CMSS1: variants seen among roughly 807,000 people sequenced by gnomAD.
The protein encoded by CMSS1 is protein CMSS1.
A neutral mutation model predicts 43.5 loss-of-function variants in CMSS1; 33 were observed. That is an observed-to-expected ratio of 0.76 (90% CI 0.57 to 1.01). CMSS1 has a LOEUF of 1.01. Among genes scored for constraint, CMSS1 ranks in the 50% least tolerant of loss-of-function variants. The probability of loss-of-function intolerance (pLI) is 0.00; values close to 1 mark genes in which losing one functional copy is unlikely to be tolerated. For synonymous variants in CMSS1, 115 were observed against 117.2 expected (o/e 0.98, Z 0.12); for missense variants, 313 against 326.4 (o/e 0.96, Z 0.32).
rs536032685 is a variant in CMSS1, at chr3:99,943,127, C to T, written c.64+125084C>T. ...GGGGCAAAGCCTGTTTCTTTAAAGG[C>T]GAACTTAATTTCTGATAACAAGAAC... On this transcript the variant is annotated intron_variant, in intron 1 of 9. Transcript: ENST00000421999. Among the ~76,000 whole-genome samples the T allele has an allele frequency of 3.3e-5, 5 of 152,174 alleles. No individual in the cohort carries two copies. The East Asian group carries it at 9.7e-4, about 29-fold the overall frequency.
At chr3:99,892,883 A>G (rs1706129673) in intron 1 of CMSS1, among the ~76,000 whole-genome samples, 1 of 152,218 alleles carries the variant, frequency 6.6e-6, no homozygotes, top group Non-Finnish European at 1.5e-5. Flanking sequence ...GATTATTCTA[A>G]GTTATCTTTT....
intron 1 of CMSS1, among the ~76,000 whole-genome samples, chr3:99,910,198 T>C (rs1706748239): frequency 7.3e-6 from 1 of 136,456 alleles, no homozygotes; most frequent in South Asian, 2.5e-4. Flanking sequence ...AAAACCTGTA[T>C]GGATTTCAAA....
intron 1 of CMSS1, among the ~76,000 whole-genome samples, chr3:100,107,645 TA>T (rs1185494838): frequency 6.6e-6 from 1 of 152,114 alleles, no homozygotes; most frequent in East Asian, 1.9e-4. Flanking sequence ...TTCCTTGTTT[TA>T]AAAGGAGTAA....
intron 1 of CMSS1, chr3:99,833,187 A>G (rs1942754067): frequency 1.9e-6 from 3 of 1,558,274 alleles, no homozygotes; most frequent in Admixed American, 1.7e-5. Flanking sequence ...CCAGTTCAAC[A>G]TGAAGACTGG....
chr3:99,963,538 A>G (rs1186856449), intron 1 of CMSS1, among the ~76,000 whole-genome samples: 1 of 152,060 alleles, frequency 6.6e-6, no homozygotes, highest in East Asian at 1.9e-4. Context: ...TGAGCGGGAT[A>G]TTTACATTTT....
chr3:100,119,018 G>A (rs1329026707), intron 1 of CMSS1, among the ~76,000 whole-genome samples: 1 of 151,858 alleles, frequency 6.6e-6, no homozygotes, highest in Admixed American at 6.6e-5. Context: ...TCTGAGCTTC[G>A]GTTTCCTCCT....
intron 2 of CMSS1, among the ~76,000 whole-genome samples, chr3:100,148,202 C>T (rs1436291688): frequency 6.6e-6 from 1 of 152,132 alleles, no homozygotes; most frequent in Non-Finnish European, 1.5e-5. Context: ...CCTCAGTCTC[C>T]TGAGCAGCTG....
Position 99,941,592 on chromosome 3 carries a change from C to G in CMSS1, c.64+123549C>G, listed in dbSNP as rs544800705. ...AAAGGTCAACTGTGGGTATGCATCA[C>G]AGGGCTGTTTATAATAAGGGAGATG... On this transcript the variant is annotated intron_variant, in intron 1 of 9. Transcript: ENST00000421999. Among the ~76,000 whole-genome samples, 6 of 152,250 alleles carry G rather than the reference C, an allele frequency of 3.9e-5. No individual in the cohort carries two copies. The South Asian group carries it at 1.0e-3, about 26-fold the overall frequency.
intron 1 of CMSS1, among the ~76,000 whole-genome samples, chr3:100,069,381 A>G (rs2107367688): frequency 6.6e-6 from 1 of 152,252 alleles, no homozygotes; most frequent in Middle Eastern, 3.4e-3. Context: ...TAACTGAGCC[A>G]GCCATTAGCT....
At chr3:99,848,106 G>T (rs1295068607) in intron 1 of CMSS1, 3 of 1,439,678 alleles carry the variant, frequency 2.1e-6, no homozygotes, top group Non-Finnish European at 2.7e-6. Flanking sequence ...GTGCACACTC[G>T]ATATGACTAT....
chr3:100,082,805 G>A (rs748286196), intron 1 of CMSS1, among the ~76,000 whole-genome samples: 3 of 152,166 alleles, frequency 2.0e-5, no homozygotes, highest in Non-Finnish European at 4.4e-5. Context: ...CAGCATGGTA[G>A]TCATAGACTT....
rs1353135542 is a variant in CMSS1, at chr3:100,021,956, TGTGTGAGAGAGAGAGAGA to T, written c.65-125015_65-124998del. Among the ~76,000 whole-genome samples, 304 of 94,568 alleles carry T rather than the reference TGTGTGAGAGAGAGAGAGA, an allele frequency of 3.2e-3. 1 individual carries two copies. The highest frequency in any genetic ancestry group is 0.025 in the Middle Eastern group (5 of 198). 62.0% of individuals were successfully genotyped at this position (94,568 alleles called of 152,430 possible). Reference sequence around the variant, plus strand: ...GTGTGTGTGTGTGTGTGTGTGTGTGTGTGTGAGAGAGAGAGAGAGAGAGAGAGAGAGAGAGAGATATGA... The same window carrying T: ...GTGTGTGTGTGTGTGTGTGTGTGTGTGAGAGAGAGAGAGAGAGAGATATGA... On this transcript the variant is annotated intron_variant, in intron 1 of 9. Transcript: ENST00000421999.
chr3:100,170,122 T>C (rs772444930), intron 6 of CMSS1, among the ~76,000 whole-genome samples: 50 of 152,246 alleles, frequency 3.3e-4, no homozygotes, highest in Non-Finnish European at 5.7e-4. Flanking sequence ...CCATGACTTA[T>C]TTTAAATTGT....
chr3:99,857,366 A>G (rs767953831), intron 1 of CMSS1, among the ~76,000 whole-genome samples: 3 of 152,240 alleles, frequency 2.0e-5, no homozygotes, highest in Admixed American at 6.5e-5. Flanking sequence ...TCCCTGCATT[A>G]GAACTGTATG....
rs962065667 is a variant in CMSS1, at chr3:100,112,355, T to C, written c.65-34618T>C. On this transcript the variant is annotated intron_variant, in intron 1 of 9. Transcript: ENST00000421999. ...ATTACATTTAGGTTTTTTGCATCCTTGGACCTGCCTGACTCTCGGCAAGTT... is the reference window on the plus strand; with the variant it reads ...ATTACATTTAGGTTTTTTGCATCCTCGGACCTGCCTGACTCTCGGCAAGTT... Among the ~76,000 whole-genome samples the C allele has an allele frequency of 2.0e-5, 3 of 152,176 alleles. No individual in the cohort carries two copies. In the South Asian group the frequency reaches 6.2e-4, roughly 32 times the overall value.
In CMSS1 at chr3:99,927,119, A is replaced by G. The variant is rs145442496; in HGVS notation, c.64+109076A>G. Among the ~76,000 whole-genome samples the G allele has an allele frequency of 2.0e-5, 3 of 152,302 alleles. No individual in the cohort carries two copies. The East Asian group carries it at 5.8e-4, about 29-fold the overall frequency. On this transcript the variant is annotated intron_variant, in intron 1 of 9. Transcript: ENST00000421999. ...CTTCAGGCAGTTCTTACAATTCACC[A>G]TGGTGCTTCAAGACTGCTTTTTTCA...
intron 1 of CMSS1, among the ~76,000 whole-genome samples, chr3:100,097,407 C>T (rs2066229035): frequency 6.6e-6 from 1 of 152,202 alleles, no homozygotes; most frequent in African/African-American, 2.4e-5. Context: ...TTTTATATCA[C>T]TGACTTGAAC....
Position 100,181,284 on chromosome 3 carries a change from CTT to C in CMSS1, c.*2897_*2898del, listed in dbSNP as rs1157816382. On this transcript the variant is annotated 3_prime_UTR_variant, in exon 10 of 10. Coordinates refer to ENST00000421999, the MANE Select transcript of CMSS1 (RefSeq NM_032359.4). ...AAGACAACAATATAATTACAGCTGT[CTT>C]ATTAACTTTTTTTTAAAAACTTTCT... is the stretch of plus-strand genomic sequence containing the variant. The C allele has an allele frequency of 1.3e-5, 2 of 152,138 alleles. No individual in the cohort carries two copies. Among genetic ancestry groups the C allele is most frequent in the African/African-American group, 2.4e-5 (1 of 41,422 alleles). The allele number at this position is 152,138 out of a possible 1,614,324, so 9.4% of individuals were successfully genotyped here. A position where few individuals can be genotyped will look rare whatever the true frequency, so the allele number is the denominator to read the frequency against.
chr3:99,865,865 T>C (rs1576528312), intron 1 of CMSS1, among the ~76,000 whole-genome samples: 1 of 152,208 alleles, frequency 6.6e-6, no homozygotes, highest in East Asian at 1.9e-4. Context: ...ATGATCCTTT[T>C]GTATTTTAGC....
Sources: gnomAD v4.1 joint callset for allele counts (sites outside exome capture counted in the v4.1 genomes callset) on GRCh38, gnomAD v4.1.1 for gene constraint, MANE v1.5 for transcripts, NCBI Gene and HGNC (gene_info 2026-07-23, HGNC 2026-07-21) for gene names.